The following ATXN7L2 variants were observed in gnomAD, a reference collection of about 807,000 sequenced individuals.
ATXN7L2 encodes the protein ataxin-7-like protein 2.
A neutral mutation model predicts 59.6 loss-of-function variants in ATXN7L2; 17 were observed. The ratio of observed to expected loss-of-function variants is 0.29; its 90% confidence interval spans 0.20 to 0.43. The LOEUF (loss-of-function observed/expected upper bound fraction) is 0.43. ATXN7L2 is among the 20% of genes least tolerant of loss of function. The probability of loss-of-function intolerance (pLI) is 1.00; values close to 1 mark genes in which losing one functional copy is unlikely to be tolerated. For synonymous variants in ATXN7L2, 378 were observed against 392.5 expected (o/e 0.96, Z 0.44); for missense variants, 858 against 1,008.9 (o/e 0.85, Z 2.03).
chr1:109,485,890 T>A, intron 1 of ATXN7L2, 167 bp from the exon 2 acceptor site: 3 of 1,260,866 alleles, frequency 2.4e-6, no homozygotes, highest in Non-Finnish European at 3.0e-6. Flanking sequence ...ACCAGGAGCT[T>A]GTCACGGAGT....
At chr1:109,485,199 G>T in intron 1 of ATXN7L2, 1 of 880,614 alleles carries the variant, frequency 1.1e-6, no homozygotes, top group Non-Finnish European at 1.4e-6. Context: ...AGACGGGTTT[G>T]GTGACTCAGA....
Position 109,492,601 on chromosome 1 carries a change from C to T in ATXN7L2, c.*1C>T, listed in dbSNP as rs1260517952. 1.2e-5 allele frequency: 20 copies of T among 1,613,600 alleles called. No homozygotes were observed. Among genetic ancestry groups the T allele is most frequent in the African/African-American group, 4.0e-5 (3 of 74,876 alleles). ...CTTCCTGCAGTCAAAAGCCCATTAACGAGAAAGTGCCTGCCCACTGCAACG... is the reference window on the plus strand; with the variant it reads ...CTTCCTGCAGTCAAAAGCCCATTAATGAGAAAGTGCCTGCCCACTGCAACG... On this transcript the variant is annotated 3_prime_UTR_variant, in exon 11 of 11. Coordinates refer to ENST00000683729, the MANE Select transcript of ATXN7L2 (RefSeq NM_001350175.2).
Position 109,486,385 on chromosome 1 carries a change from G to A in ATXN7L2, c.194-121G>A. On this transcript the variant is annotated intron_variant, in intron 2 of 10. Transcript: ENST00000683729. This position sits in a 1 kb window ranked among gnomAD's most constrained non-coding sequence, Gnocchi z 4.3. ...CTGGAAGCTGGAAGCATTCAGCATG[G>A]AGCTTGTTATATCAGCGGGGAGGTG... 1 of 980,012 alleles carries A rather than the reference G, an allele frequency of 1.0e-6. No homozygotes were observed. The allele number at this position is 980,012 out of a possible 1,614,324, so 60.7% of individuals were successfully genotyped here.
rs1468068587 is a variant in ATXN7L2 at position 109,486,160 on chromosome 1, A to C, written c.193+38A>C. 1 of 1,533,902 alleles carries C rather than the reference A, an allele frequency of 6.5e-7. No individual in the cohort carries two copies. The highest frequency in any genetic ancestry group is 8.7e-7 in the Non-Finnish European group (1 of 1,143,894). On this transcript the variant is annotated intron_variant, in intron 2 of 10. Coordinates refer to ENST00000683729, the MANE Select transcript of ATXN7L2 (RefSeq NM_001350175.2). This position sits in a 1 kb window ranked among gnomAD's most constrained non-coding sequence, Gnocchi z 4.3. ...ACACATTAGGGCTGGGACCCAGGGC[A>C]GACAGGACCACGCTCCACTTTTCCA...
At chr1:109,489,250 G>A (rs1375378874) in intron 7 of ATXN7L2, 150 bp downstream of exon 7, 3 of 1,079,742 alleles carry the variant, frequency 2.8e-6, no homozygotes, top group South Asian at 1.7e-5. Context: ...TGACAGTGGT[G>A]TGGAAGCAGG....
At chr1:109,489,670 G>A (rs1656875884) in intron 7 of ATXN7L2, 13 of 541,484 alleles carry the variant, frequency 2.4e-5, no homozygotes, top group Middle Eastern at 9.6e-4. Context: ...AGGCGGATCT[G>A]CAGCAGATTA....
intron 7 of ATXN7L2, chr1:109,489,308 G>T: frequency 1.6e-6 from 1 of 634,664 alleles, no homozygotes; most frequent in Non-Finnish European, 2.6e-6. Context: ...CCAGCCTCTC[G>T]GCAGTGTGCC....
At chr1:109,485,912 A>G in intron 1 of ATXN7L2, 145 bp from the exon 2 acceptor site, 1 of 1,315,348 alleles carries the variant, frequency 7.6e-7, no homozygotes, top group South Asian at 2.5e-5. Context: ...TGGGCTTCAT[A>G]CTGTTGAGCT....
rs1297645472 is a variant in ATXN7L2, at chr1:109,491,759, A to G, written c.2250+42A>G. 1 of 1,517,432 alleles carries G rather than the reference A, an allele frequency of 6.6e-7. No homozygotes were observed. The allele number at this position is 1,517,432 out of a possible 1,614,324, so 94.0% of individuals were successfully genotyped here. A position where few individuals can be genotyped will look rare whatever the true frequency, so the allele number is the denominator to read the frequency against. On this transcript the variant is annotated intron_variant, in intron 10 of 10. Transcript: ENST00000683729. This position sits in a 1 kb window ranked among gnomAD's most constrained non-coding sequence, Gnocchi z 4.1. ...CTGAAGATTGATGAGGGTGGGGCAC[A>G]CAGGGGGTACCTGATACAGAGAAGA...
In ATXN7L2 at chr1:109,491,552, C is replaced by G. The variant is rs771728625; in HGVS notation, c.2085C>G (p.Leu695=). ...CCAAGGCCCTGCCAACCAACTGCCT[C>G]TCTGAGGAGGAGGTGGCCAAGAAGC... ...HPAKALPTNC[L]SEEEVAKKRK... The change falls in exon 10 of 11, where the codon CTC becomes CTG. Residue 695 remains leucine (L), a synonymous_variant. Coordinates refer to ENST00000683729, the MANE Select transcript of ATXN7L2 (RefSeq NM_001350175.2). This position sits in a 1 kb window ranked among gnomAD's most constrained non-coding sequence, Gnocchi z 4.1. 1.5e-5 allele frequency: 24 copies of G among 1,614,002 alleles called. No individual in the cohort carries two copies. The South Asian group carries it at 2.3e-4, about 16-fold the overall frequency.
At position 109,488,791 on chromosome 1, in the gene ATXN7L2, C is replaced by T; in HGVS notation, c.880-56C>T. ...CCCGGGCCAAAGCACCCTGCCGTCC[C>T]TCACCCCTTCTCAGTTCATACCTAC... is the stretch of plus-strand genomic sequence containing the variant. On this transcript the variant is annotated intron_variant, in intron 6 of 10. Transcript: ENST00000683729. This position sits in a 1 kb window ranked among gnomAD's most constrained non-coding sequence, Gnocchi z 5.0. 6.4e-7 allele frequency: 1 copy of T among 1,570,126 alleles called. No homozygotes were observed. Among genetic ancestry groups the T allele is most frequent in the Non-Finnish European group, 8.7e-7 (1 of 1,153,238 alleles).
rs777491192 is a variant in ATXN7L2, at chr1:109,490,931, A to G, written c.1464A>G (p.Pro488=). 2.6e-6 allele frequency: 4 copies of G among 1,551,718 alleles called. No individual in the cohort carries two copies. The highest frequency in any genetic ancestry group is 3.5e-6 in the Non-Finnish European group (4 of 1,148,612). Residue 488 remains proline (P), a synonymous_variant, in exon 10 of 11, where the codon CCA becomes CCG. Coordinates refer to ENST00000683729, the MANE Select transcript of ATXN7L2 (RefSeq NM_001350175.2). ...TTTCTTTTTGCTGCAGGAAGATCCC[A>G]CCGGCAGCTGAACCTCCAGCTCACC... ...HLSTHMWKKI[P]PAAEPPAHLV...
intron 9 of ATXN7L2, among the ~76,000 whole-genome samples, 194 bp from the exon 10 acceptor site, chr1:109,490,728 T>A (rs778564191): frequency 6.6e-6 from 1 of 152,144 alleles, no homozygotes; most frequent in African/African-American, 2.4e-5. Context: ...TAGTAGGTAC[T>A]AGCTAATTCC....
rs759451895 is a variant in ATXN7L2 at position 109,491,368 on chromosome 1, C to T, written c.1901C>T (p.Ser634Leu). Residue 634 changes from serine (S) to leucine (L), a missense_variant, in exon 10 of 11, where the codon TCG (serine) becomes TTG (leucine). Transcript: ENST00000683729. This position sits in a 1 kb window ranked among gnomAD's most constrained non-coding sequence, Gnocchi z 4.1. ...AAACCCTCTGGCTGTAGGGGCCTCT[C>T]GGCCAAAACTAAAACAGCCCTGAGC... ...KGKPSGCRGL[S>L]AKTKTALSMG... 36 of 1,614,130 alleles carry T rather than the reference C, an allele frequency of 2.2e-5. No individual in the cohort carries two copies. The highest frequency in any genetic ancestry group is 3.3e-5 in the Admixed American group (2 of 60,016).
In ATXN7L2 at chr1:109,484,034, G is replaced by C; in HGVS notation, c.81G>C (p.Gln27His). The change falls in exon 1 of 11, where the codon CAG becomes CAC. Residue 27 changes from glutamine (Q) to histidine (H), a missense_variant. Transcript: ENST00000683729. ...CGAGTCTCGATGACTTCGCGGGACA[G>C]AGCTGGAGCTCGTGGGTGGAGCGGG... is the stretch of plus-strand genomic sequence containing the variant. Reference protein sequence around the residue: ...RVPSLDDFAGQSWSSWVERAD... With the variant: ...RVPSLDDFAGHSWSSWVERAD... The C allele has an allele frequency of 1.3e-6, 2 of 1,506,020 alleles. No homozygotes were observed. Among genetic ancestry groups the C allele is most frequent in the African/African-American group, 1.4e-5 (1 of 69,772 alleles). The allele number at this position is 1,506,020 out of a possible 1,614,324, so 93.3% of individuals were successfully genotyped here. A position where few individuals can be genotyped will look rare whatever the true frequency, so the allele number is the denominator to read the frequency against.
rs997432942 is a variant in ATXN7L2, at chr1:109,486,773, G to C, written c.298+163G>C. 2.6e-5 allele frequency among the ~76,000 whole-genome samples: 4 copies of C among 152,126 alleles called. No individual in the cohort carries two copies. Among genetic ancestry groups the C allele is most frequent in the Non-Finnish European group, 5.9e-5 (4 of 68,016 alleles). On this transcript the variant is annotated intron_variant, in intron 3 of 10. Coordinates refer to ENST00000683729, the MANE Select transcript of ATXN7L2 (RefSeq NM_001350175.2). The surrounding 1 kb of genome is among the most constrained non-coding windows in gnomAD (Gnocchi z 4.3). ...GAGCATTGTGGGGAGTCGGGTTATT[G>C]TTTGAACAAAATTCTAGCATCCAGT...
At chr1:109,487,919 T>G in intron 5 of ATXN7L2, 115 bp downstream of exon 5, 1 of 1,285,362 alleles carries the variant, frequency 7.8e-7, no homozygotes. Context: ...CATCACAGGT[T>G]GTAGGGTATA....
In ATXN7L2 at chr1:109,486,320, C is replaced by T. The variant is rs141774298; in HGVS notation, c.194-186C>T. 1.4e-4 allele frequency: 136 copies of T among 985,202 alleles called. 2 individuals carry two copies. The East Asian group carries it at 3.6e-3, about 26-fold the overall frequency. 61.0% of individuals were successfully genotyped at this position (985,202 alleles called of 1,614,324 possible). ...ATAATCATAGGTGATTGCCCACTCA[C>T]CTGAAAGCGTATACCCTTTGGGACT... is the stretch of plus-strand genomic sequence containing the variant. On this transcript the variant is annotated intron_variant, in intron 2 of 10. Transcript: ENST00000683729. The surrounding 1 kb of genome is among the most constrained non-coding windows in gnomAD (Gnocchi z 4.3).
rs1382542739 is a variant in ATXN7L2 at position 109,487,823 on chromosome 1, G to A, written c.796+19G>A. 5 of 1,575,284 alleles carry A rather than the reference G, an allele frequency of 3.2e-6. No individual in the cohort carries two copies. The African/African-American group carries it at 6.9e-5, about 22-fold the overall frequency. ...ATGGCTCGTGAGTAGTTGTGGTCTTGGGGGTCCAGAATGTAGAGTGGGGAC... is the reference window on the plus strand; with the variant it reads ...ATGGCTCGTGAGTAGTTGTGGTCTTAGGGGTCCAGAATGTAGAGTGGGGAC... On this transcript the variant is annotated intron_variant, in intron 5 of 10. Transcript: ENST00000683729.
Sources: allele counts gnomAD v4.1 joint callset (sites outside exome capture counted in the v4.1 genomes callset), GRCh38; gene constraint gnomAD v4.1.1; non-coding constraint Gnocchi (gnomAD v3.1); transcripts MANE v1.5; gene names NCBI Gene and HGNC (gene_info 2026-07-23, HGNC 2026-07-21).